The following ADGRV1 variants were observed in gnomAD, a reference collection of about 807,000 sequenced individuals.
ADGRV1 encodes G-protein coupled receptor 98.
ADGRV1 carries 359 observed loss-of-function variants against 596.2 expected under a neutral mutation model. The ratio of observed to expected loss-of-function variants is 0.60; its 90% CI spans 0.55 to 0.66. The LOEUF (loss-of-function observed/expected upper bound fraction) is 0.66, where lower values mean the gene tolerates loss of function less well. Ranked by LOEUF, ADGRV1 falls within the 30% of genes least tolerant of loss-of-function variation. ADGRV1 has a pLI of 0.00. For missense variants in ADGRV1, 7,274 were observed against 7,575.6 expected (o/e 0.96, Z 1.48); for synonymous variants, 2,681 against 2,679.2 (o/e 1.00, Z -0.02).
intron 27 of ADGRV1, among the ~76,000 whole-genome samples, chr5:90,683,065 T>A (rs1745150904): frequency 6.6e-6 from 1 of 152,220 alleles, no homozygotes; most frequent in Non-Finnish European, 1.5e-5. Flanking sequence ...TTTATGAGTG[T>A]GCCTGAATGT....
intron 60 of ADGRV1, among the ~76,000 whole-genome samples, chr5:90,774,792 T>C (rs1221426725): frequency 6.6e-6 from 1 of 152,220 alleles, no homozygotes; most frequent in Non-Finnish European, 1.5e-5. Context: ...GTGCATGTCT[T>C]ACATGAGGTT....
chr5:90,799,036 T>A (rs754836200), intron 70 of ADGRV1, among the ~76,000 whole-genome samples: 61 of 152,176 alleles, frequency 4.0e-4, no homozygotes, highest in Non-Finnish European at 2.1e-4. Context: ...ATGCCCTCTG[T>A]CGCCACCCCT....
chr5:90,665,489 T>C (rs936097157), intron 21 of ADGRV1, among the ~76,000 whole-genome samples: 10 of 152,146 alleles, frequency 6.6e-5, no homozygotes, highest in African/African-American at 2.4e-4. Context: ...TTCCGTCTAT[T>C]TGATTCTTCT....
intron 83 of ADGRV1, among the ~76,000 whole-genome samples, chr5:90,897,386 A>C (rs1561910737): frequency 6.6e-6 from 1 of 152,182 alleles, no homozygotes; most frequent in African/African-American, 2.4e-5. Flanking sequence ...TTCACCAGCT[A>C]TAAAATTTGA....
At chr5:90,800,553 A>C (rs1234100079) in intron 70 of ADGRV1, among the ~76,000 whole-genome samples, 1 of 152,234 alleles carries the variant, frequency 6.6e-6, no homozygotes, top group Non-Finnish European at 1.5e-5. Context: ...ATACCATTTG[A>C]CCCAGCAATC....
intron 64 of ADGRV1, 40 bp downstream of exon 64, chr5:90,779,137 CAGAGAGAA>C (rs1186224262): frequency 2.4e-6 from 3 of 1,259,222 alleles, no homozygotes; most frequent in Admixed American, 1.9e-5. Flanking sequence ...AAGCAAAGAG[CAGAGAGAA>C]AGAGAGAAAG....
At chr5:91,098,676 T>G (rs995784455) in intron 86 of ADGRV1, among the ~76,000 whole-genome samples, 2 of 151,934 alleles carry the variant, frequency 1.3e-5, no homozygotes, top group Non-Finnish European at 2.9e-5. Flanking sequence ...TATACTTTTC[T>G]GCAGAATTCC....
intron 83 of ADGRV1, among the ~76,000 whole-genome samples, chr5:90,910,222 G>A (rs1772734599): frequency 6.6e-6 from 1 of 152,250 alleles, no homozygotes; most frequent in Admixed American, 6.5e-5. Context: ...GTCACATGGA[G>A]GAGCTGATAC....
intron 86 of ADGRV1, 123 bp downstream of exon 86, chr5:91,072,727 G>A (rs1166448472): frequency 1.2e-5 from 11 of 929,038 alleles, no homozygotes; most frequent in Non-Finnish European, 1.7e-5. Context: ...GAAGCCACAA[G>A]TTAAGCTATA....
In ADGRV1 at chr5:90,740,002, G is replaced by A. The variant is rs146218592; in HGVS notation, c.10550-5044G>A. On this transcript the variant is annotated intron_variant, in intron 50 of 89. Transcript: ENST00000405460. Reference sequence around the variant, plus strand: ...TTAAGGAGAGCCCCAGGATTTGGTTGGATTGATGCTCACTAGCTGAGTCTG... The same window carrying A: ...TTAAGGAGAGCCCCAGGATTTGGTTAGATTGATGCTCACTAGCTGAGTCTG... Among the ~76,000 whole-genome samples the A allele has an allele frequency of 5.5e-3, 842 of 152,244 alleles. 4 individuals carry two copies. The highest frequency in any genetic ancestry group is 7.9e-3 in the Non-Finnish European group (536 of 67,996).
At chr5:90,828,615 C>T (rs1294703357) in intron 76 of ADGRV1, among the ~76,000 whole-genome samples, 1 of 151,862 alleles carries the variant, frequency 6.6e-6, no homozygotes, top group African/African-American at 2.4e-5. Context: ...TTAGTTTATT[C>T]CTTTTAACTA....
intron 83 of ADGRV1, among the ~76,000 whole-genome samples, chr5:90,881,596 T>C (rs115094501): frequency 3.1e-3 from 471 of 152,224 alleles, no homozygotes; most frequent in African/African-American, 0.011. Context: ...AAAGATTGGG[T>C]GATGTATATC....
At chr5:90,616,855 T>C (rs1444038138) in intron 2 of ADGRV1, among the ~76,000 whole-genome samples, 2 of 152,242 alleles carry the variant, frequency 1.3e-5, no homozygotes, top group Non-Finnish European at 2.9e-5. Flanking sequence ...CCATTCCTTC[T>C]GTTTTTGTAC....
chr5:90,931,703 G>T (rs1775267373), intron 83 of ADGRV1, among the ~76,000 whole-genome samples: 1 of 152,110 alleles, frequency 6.6e-6, no homozygotes, highest in Non-Finnish European at 1.5e-5. Flanking sequence ...TTTCTTAAAA[G>T]AAATATTTTA....
At chr5:90,821,027 A>G (rs1763445411) in intron 75 of ADGRV1, among the ~76,000 whole-genome samples, 1 of 151,866 alleles carries the variant, frequency 6.6e-6, no homozygotes, top group African/African-American at 2.4e-5. Flanking sequence ...CCTTGGTTCC[A>G]TTCTCCCCAT....
At chr5:91,123,545 G>A (rs1562248377) in intron 87 of ADGRV1, among the ~76,000 whole-genome samples, 1 of 152,050 alleles carries the variant, frequency 6.6e-6, no homozygotes, top group African/African-American at 2.4e-5. Flanking sequence ...CACCTCCTAA[G>A]GCCCCACCTT....
chr5:90,961,623 G>A (rs1210012320), intron 83 of ADGRV1, among the ~76,000 whole-genome samples: 4 of 151,652 alleles, frequency 2.6e-5, no homozygotes, highest in Non-Finnish European at 2.9e-5. Context: ...GAGGTTTATA[G>A]GAAAACTAAT....
intron 25 of ADGRV1, among the ~76,000 whole-genome samples, chr5:90,677,740 A>G (rs989426515): frequency 1.3e-5 from 2 of 152,170 alleles, no homozygotes; most frequent in Non-Finnish European, 1.5e-5. Flanking sequence ...TTGAATACTC[A>G]CTAGAAAACC....
At chr5:90,565,212 G>A (rs1755484928) in intron 1 of ADGRV1, among the ~76,000 whole-genome samples, 1 of 152,062 alleles carries the variant, frequency 6.6e-6, no homozygotes, top group Admixed American at 6.5e-5. Context: ...ACTCCAGCCT[G>A]GGCAACAAGA....
Sources: allele counts gnomAD v4.1 joint callset (sites outside exome capture counted in the v4.1 genomes callset), GRCh38; gene constraint gnomAD v4.1.1; transcripts MANE v1.5; gene names NCBI Gene and HGNC (gene_info 2026-07-23, HGNC 2026-07-21).